Variants in MINDY4 observed in about 807,000 individuals in gnomAD.
MINDY4 encodes the protein MINDY lysine 48 deubiquitinase 4, also known as probable ubiquitin carboxyl-terminal hydrolase MINDY-4.
MINDY4 carries 68 observed loss-of-function variants against 87.0 expected under a neutral mutation model. The observed-to-expected ratio is 0.78, with a 90% confidence interval of 0.64 to 0.96. MINDY4 has a LOEUF of 0.96. Among genes scored for constraint, MINDY4 ranks in the 40% least tolerant of loss-of-function variants. MINDY4 has a pLI of 0.00. For synonymous variants in MINDY4, 379 were observed against 363.2 expected (o/e 1.04, Z -0.50); for missense variants, 919 against 928.2 (o/e 0.99, Z 0.13).
intron 9 of MINDY4, 152 bp from the exon 10 acceptor site, chr7:30,850,302 C>G: frequency 1.4e-6 from 1 of 695,202 alleles, no homozygotes; most frequent in South Asian, 1.8e-5. Flanking sequence ...TGGGCTTTGC[C>G]TTGGGGCTCC....
intron 1 of MINDY4, among the ~76,000 whole-genome samples, chr7:30,773,704 C>T (rs1228528147): frequency 2.0e-5 from 3 of 152,184 alleles, no homozygotes; most frequent in Non-Finnish European, 4.4e-5. Flanking sequence ...ATGAGCTGGG[C>T]TTGTTGTTAC....
intron 5 of MINDY4, among the ~76,000 whole-genome samples, chr7:30,804,187 G>A (rs1427389364): frequency 6.6e-6 from 1 of 152,192 alleles, no homozygotes; most frequent in Non-Finnish European, 1.5e-5. Context: ...TCACAAAGAT[G>A]ATCTGCCAGG....
rs149948114 is a variant in MINDY4, at chr7:30,797,692, G to T, written c.1073+6118G>T. Among the ~76,000 whole-genome samples, 5 of 152,272 alleles carry T rather than the reference G, an allele frequency of 3.3e-5. No individual in the cohort carries two copies. The South Asian group carries it at 6.2e-4, about 19-fold the overall frequency. On this transcript the variant is annotated intron_variant, in intron 5 of 17. Coordinates refer to ENST00000265299, the MANE Select transcript of MINDY4 (RefSeq NM_032222.3). ...GGAGATATGGGAGCCTTTGGAGGTC[G>T]AGCAGAGACATGCTGTGATCTCACT...
At chr7:30,841,508 TGGTGGGGCTG>T (rs1386843762) in intron 9 of MINDY4, among the ~76,000 whole-genome samples, 1 of 152,188 alleles carries the variant, frequency 6.6e-6, no homozygotes, top group Non-Finnish European at 1.5e-5. Flanking sequence ...GGCAGGGCAC[TGGTGGGGCTG>T]GAGGCGAGGC....
chr7:30,855,082 G>T (rs770379145), intron 12 of MINDY4, among the ~76,000 whole-genome samples: 8 of 152,200 alleles, frequency 5.3e-5, no homozygotes, highest in African/African-American at 1.9e-4. Flanking sequence ...CTGCTGATGC[G>T]GTGCATCCAC....
chr7:30,839,225 C>T lies in MINDY4; in HGVS notation c.1265C>T (p.Ser422Phe), dbSNP rs749780779. The T allele has an allele frequency of 3.1e-6, 5 of 1,608,866 alleles. No individual in the cohort carries two copies. The highest frequency in any genetic ancestry group is 4.2e-6 in the Non-Finnish European group (5 of 1,178,554). The stretch of plus-strand genomic sequence containing the variant: ...GAAATAAAGACCCTTCTGTTTGGTT[C>T]CAGCTTTTGCTGTTTCAATGAAGAA... ...AKEIKTLLFGSSFCCFNEEWK... is the reference protein window; with the variant it reads ...AKEIKTLLFGFSFCCFNEEWK... The change falls in exon 8 of 18, where the codon TCC (serine) becomes TTC (phenylalanine). Residue 422 changes from serine to phenylalanine, a missense_variant. Ser to Phe is a radical substitution (Grantham distance 155). Coordinates refer to ENST00000265299, the MANE Select transcript of MINDY4 (RefSeq NM_032222.3).
chr7:30,805,595 C>T (rs1390819956), intron 5 of MINDY4, among the ~76,000 whole-genome samples: 1 of 152,074 alleles, frequency 6.6e-6, no homozygotes, highest in Non-Finnish European at 1.5e-5. Flanking sequence ...CTCCTGGAGG[C>T]AGGAGGTTGC....
At chr7:30,833,637 A>C (rs567066357) in intron 6 of MINDY4, among the ~76,000 whole-genome samples, 2 of 152,336 alleles carry the variant, frequency 1.3e-5, no homozygotes, top group Admixed American at 6.5e-5. Flanking sequence ...GTCTTAACTC[A>C]TTTCAGCATT....
intron 6 of MINDY4, among the ~76,000 whole-genome samples, chr7:30,830,549 A>G (rs578172107): frequency 1.3e-5 from 2 of 152,188 alleles, no homozygotes. Context: ...TGGTGGCAGG[A>G]AGGAGAAGTC....
At chr7:30,821,478 A>G (rs1323259512) in intron 5 of MINDY4, among the ~76,000 whole-genome samples, 1 of 152,152 alleles carries the variant, frequency 6.6e-6, no homozygotes, top group East Asian at 1.9e-4. Context: ...GTAACTGTTT[A>G]TAGGTAATCT....
chr7:30,868,086 T>A (rs1789994533), intron 13 of MINDY4, among the ~76,000 whole-genome samples: 1 of 152,230 alleles, frequency 6.6e-6, no homozygotes, highest in Non-Finnish European at 1.5e-5. Flanking sequence ...TTGGACTTAC[T>A]TTCCTTCTTA....
rs538298412 is a variant in MINDY4 at position 30,881,968 on chromosome 7, C to G, written c.1972-213C>G. Among the ~76,000 whole-genome samples the G allele has an allele frequency of 3.4e-3, 516 of 152,142 alleles. 3 individuals are homozygous for G. The highest frequency in any genetic ancestry group is 0.012 in the African/African-American group (495 of 41,498). ...GGTCTCAGGTCTGTATGGCAGAGGC[C>G]CTGCGAGCAGCAGCAGGTGGGGTGG... On this transcript the variant is annotated intron_variant, in intron 15 of 17. Coordinates refer to ENST00000265299, the MANE Select transcript of MINDY4 (RefSeq NM_032222.3).
At position 30,803,025 on chromosome 7, in the gene MINDY4, C is replaced by T. The variant is rs554255870; in HGVS notation, c.1073+11451C>T. 2.6e-5 allele frequency: 4 copies of T among 152,398 alleles called. No homozygotes were observed. The East Asian group carries it at 5.8e-4, about 22-fold the overall frequency. 9.4% of individuals were successfully genotyped at this position (152,398 alleles called of 1,614,324 possible). A position where few individuals can be genotyped will look rare whatever the true frequency, so the allele number is the denominator to read the frequency against. On this transcript the variant is annotated intron_variant, in intron 5 of 17. Coordinates refer to ENST00000265299, the MANE Select transcript of MINDY4 (RefSeq NM_032222.3). ...CAAACTATCCAAACATCCATTCCATCCAACCAACTAACCAACCCACCCAAT... is the reference window on the plus strand; with the variant it reads ...CAAACTATCCAAACATCCATTCCATTCAACCAACTAACCAACCCACCCAAT...
intron 17 of MINDY4, among the ~76,000 whole-genome samples, chr7:30,884,893 C>T (rs1790583094): frequency 6.6e-6 from 1 of 152,190 alleles, no homozygotes; most frequent in Non-Finnish European, 1.5e-5. Context: ...CCTGAACCTC[C>T]TCTTCCTCTT....
intron 13 of MINDY4, among the ~76,000 whole-genome samples, chr7:30,860,830 C>A (rs531492931): frequency 1.3e-5 from 2 of 152,170 alleles, no homozygotes; most frequent in African/African-American, 4.8e-5. Flanking sequence ...CCCTCCCTAC[C>A]CTTTCCAATC....
intron 14 of MINDY4, 141 bp from the exon 15 acceptor site, chr7:30,875,354 C>T (rs1715895843): frequency 1.1e-6 from 1 of 947,930 alleles, no homozygotes; most frequent in Non-Finnish European, 1.7e-6. Context: ...GAATTGAAGT[C>T]ACAGCCTCCT....
At chr7:30,863,315 T>A (rs2128575479) in intron 13 of MINDY4, among the ~76,000 whole-genome samples, 1 of 152,342 alleles carries the variant, frequency 6.6e-6, no homozygotes, top group African/African-American at 2.4e-5. Context: ...CAGCCAGTTC[T>A]TTACAAATAC....
intron 4 of MINDY4, among the ~76,000 whole-genome samples, chr7:30,789,120 TA>T (rs1787243056): frequency 6.6e-6 from 1 of 151,556 alleles, no homozygotes; most frequent in African/African-American, 2.4e-5. Context: ...TTGAATTCCC[TA>T]AAAGGATCTG....
intron 5 of MINDY4, among the ~76,000 whole-genome samples, chr7:30,820,243 TG>T (rs1447017146): frequency 1.3e-5 from 2 of 152,228 alleles, no homozygotes; most frequent in Non-Finnish European, 2.9e-5. Flanking sequence ...CTCTTTTAAC[TG>T]GCAAGTTTAA....
Sources: allele counts gnomAD v4.1 joint callset (sites outside exome capture counted in the v4.1 genomes callset), GRCh38; gene constraint gnomAD v4.1.1; transcripts MANE v1.5; gene names NCBI Gene and HGNC (gene_info 2026-07-23, HGNC 2026-07-21).